Variants in PRR33 observed in about 807,000 individuals in gnomAD.
The protein encoded by PRR33 is proline rich 33.
Under a neutral mutation model 0.5 loss-of-function variants are expected in PRR33, and 1 was observed. The observed-to-expected ratio is 2.18, with a 90% confidence interval of 0.77 to 10.34. PRR33 has a LOEUF of 10.34. Among genes scored for constraint, PRR33 ranks in the 30% most tolerant of loss-of-function variants. The probability of loss-of-function intolerance (pLI) is 0.13; values close to 1 mark genes in which losing one functional copy is unlikely to be tolerated. For missense variants in PRR33, 552 were observed against 251.8 expected (o/e 2.19, Z -8.07); for synonymous variants, 226 against 110.0 (o/e 2.06, Z -6.60).
At chr11:1,901,071 G>C in the PRR33 span, among the ~76,000 whole-genome samples, 1 of 152,200 alleles carries the variant, frequency 6.6e-6, no homozygotes, top group African/African-American at 2.4e-5. Context: ...CATCACTTTG[G>C]GAGGCCGAGG....
chr11:1,890,567 C>T (rs1448888320), exon 1 of PRR33: 24 of 710,072 alleles, frequency 3.4e-5, no homozygotes, highest in African/African-American at 2.1e-4. Flanking sequence ...GTGCCATCGA[C>T]GCAGCCGATA....
At chr11:1,889,222 TG>T in the PRR33 span, 8 of 675,006 alleles carry the variant, frequency 1.2e-5, no homozygotes, top group Non-Finnish European at 2.7e-6. Context: ...GAGCGGACTG[TG>T]GGAGGGGGCC....
upstream of PRR33, among the ~76,000 whole-genome samples, chr11:1,894,389 A>G (rs1849101705): frequency 6.6e-6 from 1 of 152,084 alleles, no homozygotes; most frequent in Non-Finnish European, 1.5e-5. Context: ...GCCCACCACC[A>G]CACCTGGCTA....
chr11:1,888,534 C>T (rs2133136660), exon 1 of PRR33: 1 of 152,534 alleles, frequency 6.6e-6, no homozygotes, highest in Non-Finnish European at 1.5e-5. Context: ...CTCCTCCACC[C>T]CTGATGAGCC....
chr11:1,889,848 G>A lies in PRR33; in HGVS notation c.737C>T (p.Pro246Leu). ...GAAGCCGGGTGGCGGCCGTGGTACA[G>A]GGGGCTCCTCAGGCAAGGGACTGGC... The change falls in exon 1 of 1, where the codon CCT (proline) becomes CTT (leucine). Residue 246 changes from proline to leucine, a missense_variant. Physicochemically the swap from Pro to Leu is moderately conservative, Grantham distance 98. Coordinates refer to ENST00000640310, the Ensembl canonical transcript of PRR33. The A allele has an allele frequency of 4.7e-6, 3 of 633,892 alleles. No homozygotes were observed. The South Asian group carries it at 5.5e-5, about 12-fold the overall frequency. The allele number at this position is 633,892 out of a possible 1,614,324, so 39.3% of individuals were successfully genotyped here.
chr11:1,903,819 G>A, the PRR33 span, among the ~76,000 whole-genome samples: 4 of 152,174 alleles, frequency 2.6e-5, no homozygotes, highest in African/African-American at 7.2e-5. Flanking sequence ...GCAAGAAAAA[G>A]AAACCAAGAG....
chr11:1,914,217 G>A, the PRR33 span, among the ~76,000 whole-genome samples: 2 of 152,224 alleles, frequency 1.3e-5, no homozygotes, highest in African/African-American at 4.8e-5. Flanking sequence ...ACACACCTGG[G>A]ATGATGTTTC....
chr11:1,899,626 C>G, the PRR33 span, among the ~76,000 whole-genome samples: 1 of 152,156 alleles, frequency 6.6e-6, no homozygotes, highest in Non-Finnish European at 1.5e-5. Flanking sequence ...GGCCATCCAC[C>G]TGCAACACCC....
At chr11:1,910,579 C>T in the PRR33 span, among the ~76,000 whole-genome samples, 2 of 152,138 alleles carry the variant, frequency 1.3e-5, no homozygotes, top group African/African-American at 4.8e-5. Context: ...ACCCTTTTAA[C>T]TTTATAAGTA....
chr11:1,895,841 G>A (rs1849118654), upstream of PRR33, among the ~76,000 whole-genome samples: 1 of 152,116 alleles, frequency 6.6e-6, no homozygotes, highest in African/African-American at 2.4e-5. Flanking sequence ...AGTCGCCTTT[G>A]CACCTTTGTC....
the PRR33 span, among the ~76,000 whole-genome samples, chr11:1,905,427 T>TTC: frequency 8.0e-6 from 1 of 125,562 alleles, no homozygotes; most frequent in African/African-American, 2.9e-5. Context: ...GCGCCCGGCC[T>TTC]TCTCTCTTTT....
chr11:1,889,744 G>A, exon 1 of PRR33: 1 of 657,294 alleles, frequency 1.5e-6, no homozygotes, highest in Non-Finnish European at 2.8e-6. Flanking sequence ...AGGCTGTGCG[G>A]TGAGGACTCC....
chr11:1,910,223 C>G, the PRR33 span, among the ~76,000 whole-genome samples: 1 of 151,730 alleles, frequency 6.6e-6, no homozygotes, highest in African/African-American at 2.4e-5. Context: ...GCACCCTGCA[C>G]GCTGGCCAAG....
chr11:1,888,108 C>T (rs1471048567), exon 1 of PRR33, among the ~76,000 whole-genome samples: 1 of 152,142 alleles, frequency 6.6e-6, no homozygotes, highest in Non-Finnish European at 1.5e-5. Flanking sequence ...TTATTAGTGA[C>T]CTGGGCCCCA....
At chr11:1,905,169 CA>C in the PRR33 span, among the ~76,000 whole-genome samples, 2 of 144,210 alleles carry the variant, frequency 1.4e-5, no homozygotes, top group Non-Finnish European at 3.0e-5. Flanking sequence ...CTCTGTCACC[CA>C]GGCTGGAGTG....
the PRR33 span, among the ~76,000 whole-genome samples, chr11:1,897,022 A>T: frequency 1.4e-3 from 206 of 152,316 alleles, no homozygotes; most frequent in African/African-American, 4.8e-3. The surrounding 1 kb of genome is among the most constrained non-coding windows in gnomAD (Gnocchi z 4.0). Flanking sequence ...TGGTGGACAG[A>T]AAAGGGAAAG....
chr11:1,898,678 T>A, the PRR33 span, among the ~76,000 whole-genome samples: 1 of 152,210 alleles, frequency 6.6e-6, no homozygotes, highest in African/African-American at 2.4e-5. Context: ...ATGTTGTTTG[T>A]GATTGATTGG....
chr11:1,887,994 T>C (rs145395781), downstream of PRR33, among the ~76,000 whole-genome samples: 89 of 152,172 alleles, frequency 5.8e-4, 1 homozygote, highest in East Asian at 0.016. Flanking sequence ...GGAACTTAGG[T>C]CCTACTCCCT....
At chr11:1,891,414 C>G (rs1589837888) in exon 1 of PRR33, 2 of 152,342 alleles carry the variant, frequency 1.3e-5, no homozygotes, top group African/African-American at 4.8e-5. Context: ...GCGGAAGGAG[C>G]CTGCTTAGGA....
Sources: gnomAD v4.1 joint callset for allele counts (sites outside exome capture counted in the v4.1 genomes callset) on GRCh38, gnomAD v4.1.1 for gene constraint, Gnocchi (gnomAD v3.1) non-coding constraint, MANE v1.5 for transcripts, NCBI Gene and HGNC (gene_info 2026-07-23, HGNC 2026-07-21) for gene names.